EMX2: variants seen among roughly 807,000 people sequenced by gnomAD.
The protein encoded by EMX2 is homeobox protein EMX2.
EMX2 carries 6 observed loss-of-function variants against 23.0 expected under a neutral mutation model. The ratio of observed to expected loss-of-function variants is 0.26; its 90% confidence interval spans 0.14 to 0.52. The LOEUF (loss-of-function observed/expected upper bound fraction) is 0.52. Among genes scored for constraint, EMX2 ranks in the 20% least tolerant of loss-of-function variants. The pLI, the probability that EMX2 is intolerant of heterozygous loss-of-function variation, is 0.97. For synonymous variants in EMX2, 175 were observed against 153.3 expected (o/e 1.14, Z -1.04); for missense variants, 302 against 341.4 (o/e 0.88, Z 0.91).
At chr10:117,543,781 G>A in intron 1 of EMX2, 108 bp downstream of exon 1, 1 of 1,555,888 alleles carries the variant, frequency 6.4e-7, no homozygotes, top group South Asian at 1.1e-5. Flanking sequence ...AGGTTCCTCC[G>A]GCTCGCGGGC....
In EMX2 at chr10:117,549,071, G is replaced by A. The variant is rs1215354618; in HGVS notation, c.*839G>A. The A allele has an allele frequency of 1.3e-5, 2 of 151,220 alleles. No homozygotes were observed. Among genetic ancestry groups the A allele is most frequent in the Admixed American group, 1.4e-4 (2 of 14,512 alleles). 9.4% of individuals were successfully genotyped at this position (151,220 alleles called of 1,614,324 possible). A position where few individuals can be genotyped will look rare whatever the true frequency, so the allele number is the denominator to read the frequency against. The stretch of plus-strand genomic sequence containing the variant: ...AAACGGGGAGCAGGACGACGGGGGG[G>A]CTGGGGGTGGCGGGGGAGGGTGCCC... On this transcript the variant is annotated 3_prime_UTR_variant, in exon 3 of 3. Transcript: ENST00000553456.
Position 117,548,350 on chromosome 10 carries a change from G to T in EMX2, c.*118G>T, listed in dbSNP as rs191919707. The T allele has an allele frequency of 2.4e-4, 345 of 1,441,004 alleles. No individual in the cohort carries two copies. The African/African-American group carries it at 4.4e-3, about 18-fold the overall frequency. The allele number at this position is 1,441,004 out of a possible 1,614,324, so 89.3% of individuals were successfully genotyped here. A position where few individuals can be genotyped will look rare whatever the true frequency, so the allele number is the denominator to read the frequency against. On this transcript the variant is annotated 3_prime_UTR_variant, in exon 3 of 3. Coordinates refer to ENST00000553456, the MANE Select transcript of EMX2 (RefSeq NM_004098.4). ...ACCGCATACACGTTCACCGAGAAAG[G>T]GAGAGGGAATCGGAGGGAGCAGCGG...
chr10:117,547,968 G>A (rs1349966973), intron 2 of EMX2, 97 bp from the exon 3 acceptor site: 11 of 1,515,566 alleles, frequency 7.3e-6, no homozygotes, highest in Admixed American at 2.0e-5. Flanking sequence ...TCTTTGCTGA[G>A]TCTGGAACTG....
At chr10:117,545,044 G>A (rs117965495) in intron 1 of EMX2, 2,020 of 152,308 alleles carry the variant, frequency 0.013, 26 homozygotes, top group Non-Finnish European at 0.02. Flanking sequence ...GTTCGCGAGA[G>A]GCAGCAGCGG....
chr10:117,543,275 A>T lies in EMX2; in HGVS notation c.8A>T (p.Gln3Leu). The change falls in exon 1 of 3, where the codon CAG becomes CTG. Residue 3 changes from glutamine to leucine, a missense_variant. Physicochemically the swap from Gln to Leu is moderately radical, Grantham distance 113 (BLOSUM62 -2). This residue lies in a region of EMX2 where 221 missense variants were observed against 206.8 expected (regional missense o/e 1.07). Transcript: ENST00000553456. ...CCCGCTCCTCGGCGCAGCATGTTCC[A>T]GCCGGCGCCCAAGCGCTGCTTCACC... MF[Q>L]PAPKRCFTIE... The T allele has an allele frequency of 1.3e-6, 2 of 1,547,692 alleles. No homozygotes were observed. Among genetic ancestry groups the T allele is most frequent in the Non-Finnish European group, 1.7e-6 (2 of 1,145,828 alleles).
Position 117,542,924 on chromosome 10 carries a change from A to G in EMX2, c.-344A>G, listed in dbSNP as rs1260959677. On this transcript the variant is annotated 5_prime_UTR_variant, in exon 1 of 3. Coordinates refer to ENST00000553456, the MANE Select transcript of EMX2 (RefSeq NM_004098.4). ...CCACGCCATCTCGCCAAAAAAAAAAAAAAAAAAAAAAAAGAAAAAAAAAGA... is the reference window on the plus strand; with the variant it reads ...CCACGCCATCTCGCCAAAAAAAAAAGAAAAAAAAAAAAAGAAAAAAAAAGA... The G allele has an allele frequency of 1.4e-5, 2 of 147,082 alleles. No homozygotes were observed. Among genetic ancestry groups the G allele is most frequent in the Non-Finnish European group, 2.9e-5 (2 of 69,788 alleles). The allele number at this position is 147,082 out of a possible 1,614,324, so 9.1% of individuals were successfully genotyped here.
Position 117,543,630 on chromosome 10 carries a change from C to G in EMX2, c.363C>G (p.Pro121=). ...SQQRDPSTFY[P]WLIHRYRYLG... is the part of the protein sequence containing the mutation. ...AGCGGGATCCGTCCACCTTCTACCCCTGGCTCATCCACCGCTACCGATATC... is the reference window on the plus strand; with the variant it reads ...AGCGGGATCCGTCCACCTTCTACCCGTGGCTCATCCACCGCTACCGATATC... Residue 121 remains proline (P), a synonymous_variant, in exon 1 of 3, where the codon CCC becomes CCG. Coordinates refer to ENST00000553456, the MANE Select transcript of EMX2 (RefSeq NM_004098.4). 2 of 1,613,700 alleles carry G rather than the reference C, an allele frequency of 1.2e-6. No homozygotes were observed. The highest frequency in any genetic ancestry group is 1.3e-5 in the African/African-American group (1 of 75,046).
chr10:117,547,351 A>C (rs888921824), intron 2 of EMX2, among the ~76,000 whole-genome samples: 2 of 152,108 alleles, frequency 1.3e-5, no homozygotes, highest in Admixed American at 6.5e-5. Context: ...CGTGTAACCC[A>C]CGGTCTTTCA....
At chr10:117,544,059 G>A (rs1176596135) in intron 1 of EMX2, among the ~76,000 whole-genome samples, 1 of 152,190 alleles carries the variant, frequency 6.6e-6, no homozygotes. Flanking sequence ...TCCGAGGGGC[G>A]CGGACAGGAC....
chr10:117,545,900 G>A (rs1846572113), intron 2 of EMX2, 84 bp downstream of exon 2: 2 of 1,580,532 alleles, frequency 1.3e-6, no homozygotes, highest in Non-Finnish European at 1.7e-6. Flanking sequence ...CATGAGCACG[G>A]AGCTCTGTGA....
In EMX2 at chr10:117,543,192, G is replaced by GGGCAGCGGGCGGCGGA; in HGVS notation, c.-68_-53dup. ...CCCAATTCTCGTCCGTCCTCGCCGC[G>GGGCAGCGGGCGGCGGA]GGCAGCGGGCGGCGGAGGCAGCGTG... is the stretch of plus-strand genomic sequence containing the variant. On this transcript the variant is annotated 5_prime_UTR_variant, in exon 1 of 3. Transcript: ENST00000553456. 2 of 1,016,752 alleles carry GGGCAGCGGGCGGCGGA rather than the reference G, an allele frequency of 2.0e-6. No individual in the cohort carries two copies. Among genetic ancestry groups the GGGCAGCGGGCGGCGGA allele is most frequent in the Non-Finnish European group, 2.4e-6 (2 of 828,134 alleles). 63.0% of individuals were successfully genotyped at this position (1,016,752 alleles called of 1,614,324 possible).
chr10:117,546,229 C>A (rs576980866), intron 2 of EMX2, among the ~76,000 whole-genome samples: 5 of 152,300 alleles, frequency 3.3e-5, no homozygotes, highest in Non-Finnish European at 7.4e-5. Context: ...GAGTTCTGAG[C>A]GACTGTGAGC....
chr10:117,545,648 C>T lies in EMX2; in HGVS notation c.423C>T (p.Pro141=), dbSNP rs753421276. 5.0e-6 allele frequency: 8 copies of T among 1,614,114 alleles called. No individual in the cohort carries two copies. The Admixed American group carries it at 5.0e-5, about 10-fold the overall frequency. The change falls in exon 2 of 3, where the codon CCC becomes CCT. Residue 141 remains proline (P), a synonymous_variant. Coordinates refer to ENST00000553456, the MANE Select transcript of EMX2 (RefSeq NM_004098.4). The part of the protein sequence containing the change: ...GHRFQGNDTS[P]ESFLLHNALA... ...TCCCCGCAGGGAACGACACTAGCCC[C>T]GAGAGTTTCCTTTTGCACAACGCGC... is the stretch of plus-strand genomic sequence containing the variant.
intron 1 of EMX2, chr10:117,544,931 C>T (rs1414699186): frequency 6.6e-6 from 1 of 152,156 alleles, no homozygotes; most frequent in East Asian, 1.9e-4. Flanking sequence ...TCCTGCGTTA[C>T]AGACTGTCCT....
At chr10:117,546,200 C>T (rs1298051928) in intron 2 of EMX2, among the ~76,000 whole-genome samples, 1 of 152,122 alleles carries the variant, frequency 6.6e-6, no homozygotes, top group Non-Finnish European at 1.5e-5. Flanking sequence ...CTGGTAAGGA[C>T]AGGATGTGGG....
chr10:117,543,326 G>A lies in EMX2; in HGVS notation c.59G>A (p.Ser20Asn), dbSNP rs1846521298. 6 of 1,553,620 alleles carry A rather than the reference G, an allele frequency of 3.9e-6. No homozygotes were observed. The highest frequency in any genetic ancestry group is 1.7e-4 in the Middle Eastern group (1 of 5,990). The change falls in exon 1 of 3, where the codon AGT (serine) becomes AAT (asparagine). Residue 20 changes from serine (S) to asparagine (N), a missense_variant. Transcript: ENST00000553456. ...FTIESLVAKD[S>N]PLPASRSEDP... Reference sequence around the variant, plus strand: ...ATCGAGTCGCTGGTGGCCAAGGACAGTCCCCTGCCCGCCTCGCGCTCCGAG... The same window carrying A: ...ATCGAGTCGCTGGTGGCCAAGGACAATCCCCTGCCCGCCTCGCGCTCCGAG...
At position 117,543,234 on chromosome 10, in the gene EMX2, C is replaced by T. The variant is rs1411753368; in HGVS notation, c.-34C>T. The T allele has an allele frequency of 6.8e-7, 1 of 1,475,910 alleles. No individual in the cohort carries two copies. Among genetic ancestry groups the T allele is most frequent in the Non-Finnish European group, 9.0e-7 (1 of 1,109,498 alleles). The allele number at this position is 1,475,910 out of a possible 1,614,324, so 91.4% of individuals were successfully genotyped here. On this transcript the variant is annotated 5_prime_UTR_variant, in exon 1 of 3. Transcript: ENST00000553456. Reference sequence around the variant, plus strand: ...GGCAGCGTGCGGCGGTCGCCAGGAGCTGGGAGCCCAGGGCGCCCGCTCCTC... The same window carrying T: ...GGCAGCGTGCGGCGGTCGCCAGGAGTTGGGAGCCCAGGGCGCCCGCTCCTC...
Position 117,543,525 on chromosome 10 carries a change from C to G in EMX2, c.258C>G (p.His86Gln). ...CGCCCAACCCCGCCGTGCCAGTGCA[C>G]CCGGTGCCGCCGCCGCACGCCCTGG... ...SHPPNPAVPVHPVPPPHALAA... is the reference protein window; with the variant it reads ...SHPPNPAVPVQPVPPPHALAA... Residue 86 changes from histidine (H) to glutamine (Q), a missense_variant, in exon 1 of 3, where the codon CAC (histidine) becomes CAG (glutamine). Physicochemically the swap from His to Gln is conservative, Grantham distance 24. Around this residue, in one of 4 missense-constraint regions of EMX2, gnomAD observed 221 missense variants for 206.8 expected, o/e 1.07. Transcript: ENST00000553456. 1 of 1,609,882 alleles carries G rather than the reference C, an allele frequency of 6.2e-7. No individual in the cohort carries two copies.
chr10:117,545,906 TGTGAGGGCCTTCCGCACAG>T, intron 2 of EMX2, 90 bp downstream of exon 2: 1 of 1,557,660 alleles, frequency 6.4e-7, no homozygotes, highest in Non-Finnish European at 8.8e-7. Flanking sequence ...CACGGAGCTC[TGTGAGGGCCTTCCGCACAG>T]GTCCTGGTAG....
Sources: allele counts gnomAD v4.1 joint callset (sites outside exome capture counted in the v4.1 genomes callset), GRCh38; gene constraint gnomAD v4.1.1; regional missense constraint gnomAD v4.1.1; transcripts MANE v1.5; gene names NCBI Gene and HGNC (gene_info 2026-07-23, HGNC 2026-07-21).